The following PDE1C variants were observed in gnomAD, a reference collection of about 807,000 sequenced individuals.
PDE1C encodes phosphodiesterase 1C.
Under a neutral mutation model 93.1 loss-of-function variants are expected in PDE1C, and 62 were observed. The observed-to-expected ratio is 0.67, with a 90% CI of 0.54 to 0.82. The LOEUF is 0.82. Ranked by LOEUF, PDE1C falls within the 40% of genes least tolerant of loss-of-function variation. The pLI, the probability that PDE1C is intolerant of heterozygous loss-of-function variation, is 0.00. For missense variants in PDE1C, 742 were observed against 884.6 expected, an observed-to-expected ratio of 0.84 and a Z score of 2.04; for synonymous variants, 325 against 310.1, an observed-to-expected ratio of 1.05 and a Z score of -0.50.
intron 1 of PDE1C, among the ~76,000 whole-genome samples, chr7:32,335,935 G>T (rs1783611677): frequency 6.6e-6 from 1 of 151,942 alleles, no homozygotes; most frequent in South Asian, 2.1e-4. Context: ...TCACTATGTT[G>T]CCCAGAGTGA....
At chr7:31,670,648 A>G in the PDE1C span, among the ~76,000 whole-genome samples, 2 of 152,186 alleles carry the variant, frequency 1.3e-5, no homozygotes, top group African/African-American at 4.8e-5. Context: ...CTGGTATGAC[A>G]CTGTCTTACT....
chr7:32,273,652 C>G (rs373985322), intron 1 of PDE1C, among the ~76,000 whole-genome samples: 42 of 152,166 alleles, frequency 2.8e-4, no homozygotes, highest in East Asian at 2.3e-3. Context: ...CCATGAGAAC[C>G]AGAGGGTAAA....
intron 2 of PDE1C, among the ~76,000 whole-genome samples, chr7:31,986,298 C>T (rs564904994): frequency 6.6e-6 from 1 of 152,240 alleles, no homozygotes; most frequent in Admixed American, 6.5e-5. Context: ...CTTCACATGG[C>T]TTTCTTCTCC....
At chr7:31,801,832 C>T (rs1786085563) in intron 16 of PDE1C, among the ~76,000 whole-genome samples, 1 of 151,308 alleles carries the variant, frequency 6.6e-6, no homozygotes, top group South Asian at 2.1e-4. Flanking sequence ...AGACAGTATA[C>T]CAATTTAAAA....
chr7:31,654,845 C>T, the PDE1C span, among the ~76,000 whole-genome samples: 1 of 152,146 alleles, frequency 6.6e-6, no homozygotes, highest in Non-Finnish European at 1.5e-5. Context: ...ATTGAAACCA[C>T]CCACTACTCA....
At position 31,865,915 on chromosome 7, in the gene PDE1C, T is replaced by A. The variant is rs781104549; in HGVS notation, c.610-833A>T. 4.6e-5 allele frequency among the ~76,000 whole-genome samples: 7 copies of A among 152,306 alleles called. No individual in the cohort carries two copies. In the South Asian group the frequency reaches 1.2e-3, roughly 27 times the overall value. ...GATATGCTGCATAGTATGTATTCATTTATTTCTCAACGAATAAAATACTTC... is the reference window on the plus strand; with the variant it reads ...GATATGCTGCATAGTATGTATTCATATATTTCTCAACGAATAAAATACTTC... On this transcript the variant is annotated intron_variant, in intron 6 of 17. Transcript: ENST00000396191.
chr7:32,104,022 G>T (rs1352647432), intron 3 of PDE1C, among the ~76,000 whole-genome samples: 2 of 152,016 alleles, frequency 1.3e-5, no homozygotes, highest in African/African-American at 4.8e-5. Context: ...TAATACAAAA[G>T]ATCTTTAAAA....
Position 32,151,259 on chromosome 7 carries a change from A to G in PDE1C, c.308+18526T>C, listed in dbSNP as rs1021439306. Among the ~76,000 whole-genome samples, 11 of 152,298 alleles carry G rather than the reference A, an allele frequency of 7.2e-5. No individual in the cohort carries two copies. The East Asian group carries it at 1.2e-3, about 16-fold the overall frequency. On this transcript the variant is annotated intron_variant, in intron 3 of 18. Transcript: ENST00000396193. ...AAACAGAATGATAAAGGACTCCCCA[A>G]GACAAAGATATTCCACTTACCAACT...
At chr7:31,701,245 G>A in the PDE1C span, among the ~76,000 whole-genome samples, 22 of 152,196 alleles carry the variant, frequency 1.4e-4, no homozygotes, top group African/African-American at 4.8e-4. Flanking sequence ...GCAGGAGTTT[G>A]GAAGAAGTTG....
chr7:32,133,100 C>A (rs1800010866), intron 3 of PDE1C, among the ~76,000 whole-genome samples: 1 of 151,952 alleles, frequency 6.6e-6, no homozygotes, highest in Admixed American at 6.6e-5. Flanking sequence ...ATATTTGAGT[C>A]CAGAACTGAA....
Position 31,753,497 on chromosome 7 carries a change from C to T in PDE1C, c.2017G>A (p.Ala673Thr), listed in dbSNP as rs143896993. ...KRPAYASSSY[A>T]PSVSKKTDEH... The stretch of plus-strand genomic sequence containing the variant: ...TCAGTTTTCTTTGAGACTGAAGGTG[C>T]ATAGGAGCTAGATGCGTAAGCAGGG... The change falls in exon 18 of 18, where the codon GCA becomes ACA. Residue 673 changes from alanine (A) to threonine (T), a missense_variant. This residue lies in a region of PDE1C where 454 missense variants were observed against 459.4 expected (regional missense o/e 0.99). Coordinates refer to ENST00000396191, the MANE Select transcript of PDE1C (RefSeq NM_001191057.4). 1.6e-5 allele frequency: 25 copies of T among 1,612,386 alleles called. No homozygotes were observed. The Admixed American group carries it at 3.3e-4, about 22-fold the overall frequency.
the PDE1C span, among the ~76,000 whole-genome samples, chr7:31,692,187 A>G: frequency 6.6e-6 from 1 of 152,186 alleles, no homozygotes; most frequent in African/African-American, 2.4e-5. Context: ...GACAATTATG[A>G]ATAAATCTGT....
chr7:31,982,428 A>G (rs905675202), intron 2 of PDE1C, among the ~76,000 whole-genome samples: 1 of 152,248 alleles, frequency 6.6e-6, no homozygotes, highest in Admixed American at 6.5e-5. Context: ...GCATGACAGT[A>G]AACTCTCAAT....
intron 1 of PDE1C, among the ~76,000 whole-genome samples, chr7:32,370,261 A>G (rs994006701): frequency 3.0e-4 from 45 of 152,248 alleles, no homozygotes; most frequent in African/African-American, 1.1e-3. Context: ...CATCCTGGCT[A>G]ACACGGTGAA....
At chr7:32,042,152 T>C (rs959593148) in intron 2 of PDE1C, among the ~76,000 whole-genome samples, 7 of 152,010 alleles carry the variant, frequency 4.6e-5, no homozygotes, top group Non-Finnish European at 1.0e-4. Flanking sequence ...ATACAAGAAG[T>C]AGCTGGGCAT....
intron 2 of PDE1C, among the ~76,000 whole-genome samples, chr7:31,979,959 T>C (rs73686870): frequency 0.014 from 2,083 of 152,130 alleles, 51 homozygotes; most frequent in African/African-American, 0.046. Flanking sequence ...GGGTGAGAAA[T>C]AACATGTAAA....
At chr7:32,084,810 C>T (rs1334029704) in intron 3 of PDE1C, among the ~76,000 whole-genome samples, 23 of 135,614 alleles carry the variant, frequency 1.7e-4, no homozygotes, top group African/African-American at 5.1e-4. Context: ...CCAATGAGAA[C>T]AAAGACACAA....
intron 2 of PDE1C, among the ~76,000 whole-genome samples, chr7:31,998,043 G>T (rs182052913): frequency 6.8e-6 from 1 of 146,404 alleles, no homozygotes; most frequent in East Asian, 2.0e-4. Context: ...TTTTTGAGAC[G>T]GAGTCTCACT....
chr7:31,784,337 T>A (rs1783694733), intron 16 of PDE1C: 1 of 152,114 alleles, frequency 6.6e-6, no homozygotes, highest in Admixed American at 6.6e-5. Context: ...AATAACAACA[T>A]CATATTCACC....
Sources: allele counts gnomAD v4.1 joint callset (sites outside exome capture counted in the v4.1 genomes callset), GRCh38; gene constraint gnomAD v4.1.1; regional missense constraint gnomAD v4.1.1; transcripts MANE v1.5; gene names NCBI Gene and HGNC (gene_info 2026-07-23, HGNC 2026-07-21).